Variants in GAB3 observed in about 807,000 individuals in gnomAD.
GAB3 encodes GRB2 associated binding protein 3.
Under a neutral mutation model 40.4 loss-of-function variants are expected in GAB3, and 12 were observed. That is an observed-to-expected ratio of 0.30 (90% CI 0.19 to 0.48). The LOEUF is 0.48. Among genes scored for constraint, GAB3 ranks in the 20% least tolerant of loss-of-function variants. GAB3 has a pLI of 0.99. For synonymous variants in GAB3, 154 were observed against 176.7 expected, an observed-to-expected ratio of 0.87 and a Z score of 1.02; for missense variants, 381 against 461.9, an observed-to-expected ratio of 0.82 and a Z score of 1.61.
intron 1 of GAB3, among the ~76,000 whole-genome samples, chrX:154,738,665 A>G (rs782459342): frequency 7.2e-5 from 8 of 111,808 alleles, no homozygotes; most frequent in Non-Finnish European, 1.5e-4. Flanking sequence ...TCTCTCACAT[A>G]CCTTATAATT....
chrX:154,725,195 A>G (rs1230679696), intron 1 of GAB3, among the ~76,000 whole-genome samples: 1 of 111,313 alleles, frequency 9.0e-6, no homozygotes. Context: ...AGCCTCCAGA[A>G]CTGTGAGACT....
At chrX:154,700,229 T>C (rs1441107130) in intron 4 of GAB3, among the ~76,000 whole-genome samples, 170 bp from the exon 5 acceptor site, 2 of 112,013 alleles carry the variant, frequency 1.8e-5, no homozygotes, top group Admixed American at 1.9e-4. Flanking sequence ...AAGAAGTTTC[T>C]AGCCAATGGT....
At chrX:154,717,182 AG>A (rs782149045) in intron 1 of GAB3, among the ~76,000 whole-genome samples, 4 of 111,443 alleles carry the variant, frequency 3.6e-5, no homozygotes, top group African/African-American at 1.3e-4. Context: ...AAAGAGAGAG[AG>A]GAAGTGTAGC....
chrX:154,684,311 T>C (rs1209877741), intron 8 of GAB3, among the ~76,000 whole-genome samples: 1 of 112,087 alleles, frequency 8.9e-6, no homozygotes, highest in Admixed American at 9.5e-5. Flanking sequence ...GTAAAGTTTT[T>C]TGGGCCTTAT....
rs1255719178 is a variant in GAB3, at chrX:154,699,432, C to G, written c.1207G>C (p.Ala403Pro). The change falls in exon 6 of 10, where the codon GCC (alanine) becomes CCC (proline). Residue 403 changes from alanine (A) to proline (P), a missense_variant. By Grantham distance (27) the Ala-to-Pro change is conservative. Transcript: ENST00000424127. ...CTGCAGTGGGGTCCAAGACCAGAGG[C>G]ACCAGCCTGGGGGCTCATGGGCACA... ...SYVPMSPQAG[A>P]SGLGPHCSPD... 8.3e-7 allele frequency: 1 copy of G among 1,209,656 alleles called. No individual in the cohort carries two copies. The highest frequency in any genetic ancestry group is 1.1e-6 in the Non-Finnish European group (1 of 894,927).
In GAB3 at chrX:154,678,309, CA is replaced by C. The variant is rs782545203; in HGVS notation, c.1648-16del. 1.1e-6 allele frequency: 1 copy of C among 913,251 alleles called. No homozygotes were observed. The highest frequency in any genetic ancestry group is 2.0e-5 in the African/African-American group (1 of 50,939). 75.3% of individuals were successfully genotyped at this position (913,251 alleles called of 1,213,427 possible). ...AGGAGAAGTTTCTGAAGGAGGAGAACAAAAAGGTTTTCATTACATCTAACTT... is the reference window on the plus strand; with the variant it reads ...AGGAGAAGTTTCTGAAGGAGGAGAACAAAAGGTTTTCATTACATCTAACTT... On this transcript the variant is annotated splice_polypyrimidine_tract_variant and intron_variant, in intron 9 of 9. Coordinates refer to ENST00000424127, the MANE Select transcript of GAB3 (RefSeq NM_001081573.3).
At position 154,682,092 on chromosome X, in the gene GAB3, T is replaced by G. The variant is rs181767160; in HGVS notation, c.1531-1844A>C. On this transcript the variant is annotated intron_variant, in intron 8 of 9. Transcript: ENST00000424127. ...ATTTTTTGTTAGGTTTATCGCTAAA[T>G]GCCTAGAGTTTGTTGTTACTGTAAA... 4.4e-5 allele frequency among the ~76,000 whole-genome samples: 5 copies of G among 112,537 alleles called. No homozygotes were observed. In the East Asian group the frequency reaches 1.4e-3, roughly 31 times the overall value.
At chrX:154,679,696 C>T (rs185082754) in intron 9 of GAB3, among the ~76,000 whole-genome samples, 1 of 111,636 alleles carries the variant, frequency 9.0e-6, no homozygotes, top group Non-Finnish European at 1.9e-5. Flanking sequence ...GAGAATTCTA[C>T]CCAAAGGGGT....
At chrX:154,751,271 C>T (rs1182480307), upstream of GAB3, among the ~76,000 whole-genome samples, 2 of 84,010 alleles carry the variant, frequency 2.4e-5, no homozygotes, top group Admixed American at 1.5e-4. Flanking sequence ...GCAGCTCCGC[C>T]AGCGGCTGTG....
chrX:154,718,002 T>C (rs1216603326), intron 1 of GAB3, among the ~76,000 whole-genome samples: 1 of 111,304 alleles, frequency 9.0e-6, no homozygotes, highest in African/African-American at 3.3e-5. Flanking sequence ...GTGGTTTTTC[T>C]CTCCCATGCG....
intron 1 of GAB3, among the ~76,000 whole-genome samples, chrX:154,737,080 C>T (rs968491824): frequency 1.8e-5 from 2 of 112,053 alleles, no homozygotes; most frequent in African/African-American, 6.5e-5. Context: ...TTCTTGCTGT[C>T]GTTGCTACCC....
intron 2 of GAB3, among the ~76,000 whole-genome samples, chrX:154,715,423 T>A (rs1557257435): frequency 2.9e-4 from 31 of 106,269 alleles, no homozygotes; most frequent in African/African-American, 1.0e-3. Flanking sequence ...CGTGTGTGCG[T>A]GTGGCAGAGA....
rs148492317 is a variant in GAB3, at chrX:154,680,220, C to G, written c.1559G>C (p.Ser520Thr). Reference sequence around the variant, plus strand: ...CTTTGTCCACGTAAGGGCACCACTGCTCAGGGAACTGGCTGTTCGGTGCTC... The same window carrying G: ...CTTTGTCCACGTAAGGGCACCACTGGTCAGGGAACTGGCTGTTCGGTGCTC... ...MEEHRTASSL[S>T]SGALTWTKKF... The change falls in exon 9 of 10, where the codon AGC becomes ACC. Residue 520 changes from serine (S) to threonine (T), a missense_variant. Around this residue, in one of 2 missense-constraint regions of GAB3, gnomAD observed 364 missense variants for 421.0 expected, o/e 0.86. Coordinates refer to ENST00000424127, the MANE Select transcript of GAB3 (RefSeq NM_001081573.3). 3,343 of 1,204,802 alleles carry G rather than the reference C, an allele frequency of 2.8e-3. 119 individuals are homozygous for G. The East Asian group carries it at 0.081, about 29-fold the overall frequency.
rs782241216 is a variant in GAB3, at chrX:154,687,764, T to A, written c.1531-7516A>T. On this transcript the variant is annotated intron_variant, in intron 8 of 9. Transcript: ENST00000424127. ...ACAAGTTTTAAAAACAAGAATGATG[T>A]TAGAGAAAATAAACTTCCTGATTTT... is the stretch of plus-strand genomic sequence containing the variant. Among the ~76,000 whole-genome samples the A allele has an allele frequency of 2.7e-4, 30 of 111,533 alleles. No individual in the cohort carries two copies. In the South Asian group the frequency reaches 0.01, roughly 38 times the overall value.
At chrX:154,735,693 G>T (rs928675982) in intron 1 of GAB3, among the ~76,000 whole-genome samples, 1 of 112,251 alleles carries the variant, frequency 8.9e-6, no homozygotes, top group Admixed American at 9.4e-5. Context: ...GGCCCCTACA[G>T]CTTGCAGGCA....
chrX:154,688,959 CA>C (rs1339299719), intron 8 of GAB3, among the ~76,000 whole-genome samples: 1 of 110,717 alleles, frequency 9.0e-6, no homozygotes, highest in Non-Finnish European at 1.9e-5. Flanking sequence ...AGAGACACAA[CA>C]AAAAAAGAGA....
At chrX:154,699,209 G>T in intron 6 of GAB3, 85 bp downstream of exon 6, 1 of 808,482 alleles carries the variant, frequency 1.2e-6, no homozygotes, top group Non-Finnish European at 1.9e-6. Context: ...GTTTCTCTAG[G>T]TCTTCCTTTA....
chrX:154,706,758 A>T (rs781960636), intron 4 of GAB3, among the ~76,000 whole-genome samples: 24 of 108,651 alleles, frequency 2.2e-4, no homozygotes, highest in Admixed American at 1.5e-3. Flanking sequence ...AAAAAAAAAA[A>T]TTTTTTTTCA....
chrX:154,686,260 A>C (rs960674142), intron 8 of GAB3, among the ~76,000 whole-genome samples: 11 of 110,278 alleles, frequency 1.0e-4, no homozygotes, highest in African/African-American at 3.6e-4. Flanking sequence ...AATATATACA[A>C]GGAAATAATA....
Sources: allele counts gnomAD v4.1 joint callset (sites outside exome capture counted in the v4.1 genomes callset), GRCh38; gene constraint gnomAD v4.1.1; regional missense constraint gnomAD v4.1.1; transcripts MANE v1.5; gene names NCBI Gene and HGNC (gene_info 2026-07-23, HGNC 2026-07-21).